TUBA1C: variants seen among roughly 807,000 people sequenced by gnomAD.
The protein encoded by TUBA1C is tubulin alpha-1C chain.
In TUBA1C, 16 loss-of-function variants were observed where a neutral mutation model predicts 34.9. The observed-to-expected ratio is 0.46, with a 90% confidence interval of 0.31 to 0.70. The LOEUF is 0.70. Among genes scored for constraint, TUBA1C ranks in the 30% least tolerant of loss-of-function variants. TUBA1C has a pLI of 0.05. For synonymous variants in TUBA1C, 177 were observed against 215.9 expected (o/e 0.82, Z 1.58); for missense variants, 329 against 587.3 (o/e 0.56, Z 4.55).
intron 1 of TUBA1C, among the ~76,000 whole-genome samples, chr12:49,244,334 T>C (rs565531435): frequency 6.6e-6 from 1 of 152,258 alleles, no homozygotes; most frequent in South Asian, 2.1e-4. Context: ...TACCACAAAA[T>C]GGATGTTTCC....
At chr12:49,254,628 A>G (rs531805767) in intron 1 of TUBA1C, among the ~76,000 whole-genome samples, 1 of 151,794 alleles carries the variant, frequency 6.6e-6, no homozygotes, top group Non-Finnish European at 1.5e-5. Flanking sequence ...CTGCAAGTGG[A>G]TATGTTCTTG....
At chr12:49,240,920 G>A (rs1405576473) in intron 1 of TUBA1C, among the ~76,000 whole-genome samples, 1 of 151,386 alleles carries the variant, frequency 6.6e-6, no homozygotes, top group African/African-American at 2.4e-5. Flanking sequence ...TTTTCTTTTT[G>A]AGATGGAGTC....
At chr12:49,254,942 A>G (rs1411736131) in intron 1 of TUBA1C, among the ~76,000 whole-genome samples, 3 of 151,880 alleles carry the variant, frequency 2.0e-5, no homozygotes, top group Admixed American at 2.0e-4. Context: ...GGCAAAACAC[A>G]TATATTTTTT....
chr12:49,235,309 G>A (rs554111390), intron 1 of TUBA1C, among the ~76,000 whole-genome samples: 253 of 152,176 alleles, frequency 1.7e-3, no homozygotes, highest in African/African-American at 5.7e-3. Context: ...CAAGCTTGGA[G>A]GACAGCTCGC....
At position 49,240,733 on chromosome 12, in the gene TUBA1C, G is replaced by A. The variant is rs560306783; in HGVS notation, c.213+12567G>A. Among the ~76,000 whole-genome samples, 37 of 152,214 alleles carry A rather than the reference G, an allele frequency of 2.4e-4. No individual in the cohort carries two copies. In the East Asian group the frequency reaches 6.0e-3, roughly 25 times the overall value. ...CTTCCGAGTAGCTGGCACTACAGGC[G>A]TGCACCACCACACTGGACTAATTTT... On this transcript the variant is annotated intron_variant, in intron 1 of 3. Transcript: ENST00000541364.
Position 49,272,432 on chromosome 12 carries a change from C to T in TUBA1C, c.555C>T (p.Tyr185=). The T allele has an allele frequency of 6.2e-7, 1 of 1,613,618 alleles. No individual in the cohort carries two copies. Among genetic ancestry groups the T allele is most frequent in the Non-Finnish European group, 8.5e-7 (1 of 1,180,002 alleles). The change falls in exon 4 of 4, where the codon TAC becomes TAT. Residue 185 remains tyrosine, a synonymous_variant. Transcript: ENST00000301072. ...TTTCCACAGCTGTAGTTGAGCCCTA[C>T]AACTCCATCCTCACCACCCACACCA... ...PQVSTAVVEP[Y]NSILTTHTTL... is the part of the protein sequence containing the mutation.
intron 1 of TUBA1C, among the ~76,000 whole-genome samples, chr12:49,267,563 G>A (rs1328642052): frequency 6.6e-6 from 1 of 152,230 alleles, no homozygotes; most frequent in African/African-American, 2.4e-5. Flanking sequence ...GGAGGCTGAG[G>A]CAGGAAAATC....
intron 1 of TUBA1C, among the ~76,000 whole-genome samples, chr12:49,255,968 G>A (rs1467861814): frequency 1.3e-5 from 2 of 152,198 alleles, no homozygotes; most frequent in African/African-American, 4.8e-5. Context: ...CAGTGGGTGT[G>A]GTGGCACGTG....
At chr12:49,250,988 C>T (rs938798055) in intron 1 of TUBA1C, among the ~76,000 whole-genome samples, 38 of 152,322 alleles carry the variant, frequency 2.5e-4, no homozygotes, top group African/African-American at 6.7e-4. Context: ...AGGTACATCA[C>T]TTGAGGTCGG....
intron 3 of TUBA1C, 109 bp from the exon 4 acceptor site, chr12:49,272,144 T>A: frequency 6.6e-7 from 1 of 1,511,642 alleles, no homozygotes; most frequent in Non-Finnish European, 8.8e-7. Flanking sequence ...AGTTTTAAAA[T>A]TGCAATTGGA....
chr12:49,234,404 G>T (rs1391930167), intron 1 of TUBA1C, among the ~76,000 whole-genome samples: 1 of 152,230 alleles, frequency 6.6e-6, no homozygotes, highest in African/African-American at 2.4e-5. Flanking sequence ...CGTTAAGTTC[G>T]TTGAAACACT....
chr12:49,231,840 C>T (rs1036997307), intron 1 of TUBA1C, among the ~76,000 whole-genome samples: 4 of 152,210 alleles, frequency 2.6e-5, no homozygotes, highest in East Asian at 3.9e-4. Flanking sequence ...TGCACCACTG[C>T]GCCTGGCCTT....
At chr12:49,237,142 AGGCATCGT>A (rs1222674532) in intron 1 of TUBA1C, among the ~76,000 whole-genome samples, 1 of 152,204 alleles carries the variant, frequency 6.6e-6, no homozygotes, top group African/African-American at 2.4e-5. Flanking sequence ...AATCCGGGCC[AGGCATCGT>A]GGCTCACACC....
intron 1 of TUBA1C, among the ~76,000 whole-genome samples, chr12:49,238,493 C>T (rs1403531693): frequency 2.0e-5 from 3 of 152,054 alleles, no homozygotes; most frequent in South Asian, 2.1e-4. Flanking sequence ...GACTGAGCCC[C>T]GCTTAGGATG....
At chr12:49,250,867 TA>T (rs1942725642) in intron 1 of TUBA1C, among the ~76,000 whole-genome samples, 1 of 151,872 alleles carries the variant, frequency 6.6e-6, no homozygotes, top group African/African-American at 2.4e-5. Flanking sequence ...AGAAATAGGA[TA>T]TCCAAACATA....
At position 49,268,363 on chromosome 12, in the gene TUBA1C, T is replaced by G. The variant is rs538868031; in HGVS notation, c.4-1102T>G. On this transcript the variant is annotated intron_variant, in intron 1 of 3. Coordinates refer to ENST00000301072, the MANE Select transcript of TUBA1C (RefSeq NM_032704.5). The stretch of plus-strand genomic sequence containing the variant: ...ATCCACCCACCTCGGTCTCCCAAAG[T>G]CCTGGGATTACAGGCATGAGCCACT... 7.9e-5 allele frequency among the ~76,000 whole-genome samples: 12 copies of G among 152,078 alleles called. 1 individual carries two copies. In the Middle Eastern group the frequency reaches 0.014, roughly 175 times the overall value.
At chr12:49,242,017 T>G (rs1942622307) in intron 1 of TUBA1C, among the ~76,000 whole-genome samples, 1 of 146,040 alleles carries the variant, frequency 6.8e-6, no homozygotes, top group Non-Finnish European at 1.5e-5. Flanking sequence ...GAGACAGAAT[T>G]TCATTCTTGT....
chr12:49,247,083 T>C (rs1394051351), intron 1 of TUBA1C, among the ~76,000 whole-genome samples: 1 of 148,516 alleles, frequency 6.7e-6, no homozygotes, highest in Non-Finnish European at 1.5e-5. Context: ...GAGGTTACAG[T>C]GAACTGCGAT....
chr12:49,236,350 A>C (rs1942555132), intron 1 of TUBA1C, among the ~76,000 whole-genome samples: 1 of 152,252 alleles, frequency 6.6e-6, no homozygotes, highest in African/African-American at 2.4e-5. Context: ...ATTAGAGCAG[A>C]TTGCAGTTGG....
Sources: gnomAD v4.1 joint callset for allele counts (sites outside exome capture counted in the v4.1 genomes callset) on GRCh38, gnomAD v4.1.1 for gene constraint, MANE v1.5 for transcripts, NCBI Gene and HGNC (gene_info 2026-07-23, HGNC 2026-07-21) for gene names.